Variants in SCMH1 observed in about 807,000 individuals in gnomAD.
SCMH1 encodes Scm polycomb group protein homolog 1, also known as polycomb protein SCMH1.
Under a neutral mutation model 70.8 loss-of-function variants are expected in SCMH1, and 37 were observed. That is an observed-to-expected ratio of 0.52 (90% CI 0.40 to 0.69). The LOEUF (loss-of-function observed/expected upper bound fraction) is 0.69. SCMH1 is among the 30% of genes least tolerant of loss of function. The pLI is 0.00. For synonymous variants in SCMH1, 292 were observed against 307.4 expected (o/e 0.95, Z 0.52); for missense variants, 607 against 827.3 (o/e 0.73, Z 3.27).
At chr1:41,218,177 T>A (rs975714239) in intron 1 of SCMH1, among the ~76,000 whole-genome samples, 1 of 152,166 alleles carries the variant, frequency 6.6e-6, no homozygotes, top group Non-Finnish European at 1.5e-5. Flanking sequence ...TTTGGAGATG[T>A]TGGGATGGGG....
At chr1:41,167,918 T>G (rs1305397196) in intron 2 of SCMH1, among the ~76,000 whole-genome samples, 1 of 151,392 alleles carries the variant, frequency 6.6e-6, no homozygotes, top group African/African-American at 2.4e-5. Context: ...TTTTGTTTTT[T>G]TTTTTTTTTT....
At chr1:41,230,298 G>C (rs895716726) in intron 1 of SCMH1, among the ~76,000 whole-genome samples, 2 of 152,062 alleles carry the variant, frequency 1.3e-5, no homozygotes, top group Non-Finnish European at 2.9e-5. Context: ...GGGAGGGGTA[G>C]AAAGATTCTT....
chr1:41,052,432 G>A (rs1648531377), intron 10 of SCMH1, among the ~76,000 whole-genome samples: 1 of 152,238 alleles, frequency 6.6e-6, no homozygotes, highest in South Asian at 2.1e-4. Context: ...AGATGGAACA[G>A]TTTCATCCTG....
At chr1:41,179,960 C>A (rs1291034828) in intron 2 of SCMH1, among the ~76,000 whole-genome samples, 3 of 152,262 alleles carry the variant, frequency 2.0e-5, no homozygotes, top group East Asian at 1.9e-4. Flanking sequence ...ATGCAAAAAT[C>A]CTCAATAAAA....
intron 8 of SCMH1, among the ~76,000 whole-genome samples, chr1:41,109,487 G>A (rs896762827): frequency 1.3e-5 from 2 of 152,172 alleles, no homozygotes; most frequent in African/African-American, 4.8e-5. Context: ...TGCATCACTT[G>A]CTCCTTAGCC....
At chr1:41,191,725 C>A (rs1485052891) in intron 1 of SCMH1, among the ~76,000 whole-genome samples, 2 of 152,124 alleles carry the variant, frequency 1.3e-5, no homozygotes, top group Non-Finnish European at 2.9e-5. Context: ...ATTACTTTAA[C>A]ATGCATACAA....
chr1:41,031,380 C>A (rs921430584), intron 13 of SCMH1, among the ~76,000 whole-genome samples: 20 of 152,274 alleles, frequency 1.3e-4, no homozygotes, highest in African/African-American at 4.8e-4. Context: ...ATATTTAACT[C>A]TCTCCGGCAA....
exon 3 of SCMH1, chr1:41,161,416 A>G (rs927952157): frequency 9.7e-6 from 15 of 1,550,488 alleles, no homozygotes; most frequent in African/African-American, 1.4e-5. Context: ...GTTTTCTAAC[A>G]TCACTCCAGT....
chr1:41,044,213 G>C (rs565532899), intron 12 of SCMH1, among the ~76,000 whole-genome samples: 1 of 152,100 alleles, frequency 6.6e-6, no homozygotes, highest in Admixed American at 6.6e-5. Context: ...TATAGGAAAG[G>C]GGGAGGGCCA....
At chr1:41,034,082 A>C (rs1267140435) in intron 13 of SCMH1, 34 bp from the exon 14 acceptor site, 1 of 1,583,226 alleles carries the variant, frequency 6.3e-7, no homozygotes. Context: ...CACCATCTCC[A>C]GTTTGCACAT....
chr1:41,120,682 T>A (rs890931702), intron 6 of SCMH1, among the ~76,000 whole-genome samples: 1 of 152,158 alleles, frequency 6.6e-6, no homozygotes, highest in Non-Finnish European at 1.5e-5. Context: ...TGGGCAATCA[T>A]AGATAGTAGA....
intron 10 of SCMH1, among the ~76,000 whole-genome samples, chr1:41,052,053 A>G (rs996022185): frequency 6.6e-6 from 1 of 152,224 alleles, no homozygotes; most frequent in Non-Finnish European, 1.5e-5. Context: ...TTTTATCTTT[A>G]TACATGTTTA....
intron 8 of SCMH1, 139 bp from the exon 9 acceptor site, chr1:41,075,590 T>A: frequency 3.1e-6 from 2 of 653,128 alleles, no homozygotes; most frequent in Non-Finnish European, 5.2e-6. Context: ...ACCTAAATGT[T>A]AAGGAAATCT....
intron 6 of SCMH1, among the ~76,000 whole-genome samples, chr1:41,119,784 TCAGA>T (rs1196146915): frequency 6.6e-6 from 1 of 152,156 alleles, no homozygotes; most frequent in African/African-American, 2.4e-5. Context: ...AACCCAGTAC[TCAGA>T]CACTCAACAC....
rs1265614808 is a variant in SCMH1 at position 41,227,794 on chromosome 1, T to C, written c.-118+14265A>G. Among the ~76,000 whole-genome samples the C allele has an allele frequency of 5.3e-5, 8 of 152,094 alleles. No individual in the cohort carries two copies. In the South Asian group the frequency reaches 1.0e-3, roughly 20 times the overall value. The stretch of plus-strand genomic sequence containing the variant: ...CAGGTCAAGACCAGTCTGGCCAACA[T>C]AGTGAAACCCCGTCTCTACTAAAAA... On this transcript the variant is annotated intron_variant, in intron 1 of 14. Coordinates refer to ENST00000337495, the Ensembl canonical transcript of SCMH1.
rs149637377 is a variant in SCMH1 at position 41,112,901 on chromosome 1, C to T, written c.745+382G>A. Among the ~76,000 whole-genome samples the T allele has an allele frequency of 5.9e-3, 903 of 152,278 alleles. 13 individuals carry two copies. Among genetic ancestry groups the T allele is most frequent in the African/African-American group, 0.02 (839 of 41,546 alleles). On this transcript the variant is annotated intron_variant, in intron 8 of 14. Transcript: ENST00000337495. ...GTGCTTCTCAACTATTTTTACAATA[C>T]AGTGTTACTCCAGCTTTTATCCAAA...
chr1:41,134,096 G>A (rs549940012), intron 6 of SCMH1, among the ~76,000 whole-genome samples: 35 of 152,032 alleles, frequency 2.3e-4, no homozygotes, highest in Non-Finnish European at 4.0e-4. Flanking sequence ...CAATCAAGTC[G>A]GCTTCATCCC....
chr1:41,068,427 A>G (rs1396132628), intron 10 of SCMH1, among the ~76,000 whole-genome samples: 1 of 152,130 alleles, frequency 6.6e-6, no homozygotes, highest in African/African-American at 2.4e-5. Flanking sequence ...TTCTTTTGAG[A>G]GAGAGTCTCA....
chr1:41,142,229 T>G (rs887219433), intron 6 of SCMH1, among the ~76,000 whole-genome samples: 4 of 152,034 alleles, frequency 2.6e-5, no homozygotes, highest in African/African-American at 9.7e-5. Context: ...AGAGGAAGTA[T>G]AGTCAAAGTC....
Sources: gnomAD v4.1 joint callset for allele counts (sites outside exome capture counted in the v4.1 genomes callset) on GRCh38, gnomAD v4.1.1 for gene constraint, MANE v1.5 for transcripts, NCBI Gene and HGNC (gene_info 2026-07-23, HGNC 2026-07-21) for gene names.